NEU4: variants seen among roughly 807,000 people sequenced by gnomAD.
The protein encoded by NEU4 is sialidase-4.
In NEU4, 7 loss-of-function variants were observed where a neutral mutation model predicts 9.9. The ratio of observed to expected loss-of-function variants is 0.71; its 90% CI spans 0.40 to 1.33. The LOEUF (loss-of-function observed/expected upper bound fraction) is 1.33. NEU4 is among the 40% of genes most tolerant of loss of function. NEU4 has a pLI of 0.01. For missense variants in NEU4, 717 were observed against 712.6 expected (o/e 1.01, Z -0.07); for synonymous variants, 348 against 316.9 (o/e 1.10, Z -1.04).
In NEU4 at chr2:241,816,837, GC is replaced by G; in HGVS notation, c.1248del (p.Ser417AlafsTer147). 1 of 1,610,954 alleles carries G rather than the reference GC, an allele frequency of 6.2e-7. No individual in the cohort carries two copies. Among genetic ancestry groups the G allele is most frequent in the South Asian group, 1.1e-5 (1 of 90,758 alleles). The stretch of plus-strand genomic sequence containing the variant: ...ACAGAGCCCTGGGTGATCTACGAGG[GC>G]CCCAGCGGCTACTCCGACCTGGCGT... Reference protein sequence around the residue: ...SWTEPWVIYEGPSGYSDLASI... With the variant: ...SWTEPWVIYEXPSGYSDLASI... On this transcript the variant is annotated frameshift_variant, in exon 4 of 4. Coordinates refer to ENST00000407683, the MANE Select transcript of NEU4 (RefSeq NM_001167600.3). LOFTEE classifies it low-confidence loss of function (END_TRUNC).
Position 241,815,032 on chromosome 2 carries a change from G to C in NEU4, c.342G>C (p.Gln114His). 1 of 1,600,096 alleles carries C rather than the reference G, an allele frequency of 6.2e-7. No individual in the cohort carries two copies. The highest frequency in any genetic ancestry group is 1.7e-4 in the Middle Eastern group (1 of 6,052). ...TGGGCCACACGCCTGAGGCCGTGCA[G>C]ATCGCCACGGGAAGGAACGCCGCGC... ...AVLGHTPEAV[Q>H]IATGRNAARL... Residue 114 changes from glutamine to histidine, a missense_variant, in exon 3 of 4, where the codon CAG becomes CAC. Transcript: ENST00000407683.
At chr2:241,811,602 C>G (rs1404668967) in intron 1 of NEU4, 2 of 641,576 alleles carry the variant, frequency 3.1e-6, no homozygotes, top group Non-Finnish European at 4.6e-6. Context: ...CCTTGCCAAC[C>G]CCAGGGTGGC....
In NEU4 at chr2:241,816,962, C is replaced by G. The variant is rs1411376176; in HGVS notation, c.1369C>G (p.Leu457Val). ...YDEISFCTFSLREVLENVPAS... is the reference protein window; with the variant it reads ...YDEISFCTFSVREVLENVPAS... The stretch of plus-strand genomic sequence containing the variant: ...TGAGATTTCCTTTTGTACATTCTCC[C>G]TGCGTGAGGTCCTGGAGAACGTGCC... The change falls in exon 4 of 4, where the codon CTG becomes GTG. Residue 457 changes from leucine (L) to valine (V), a missense_variant. Physicochemically the swap from Leu to Val is conservative, Grantham distance 32. Transcript: ENST00000407683. The G allele has an allele frequency of 1.9e-6, 3 of 1,612,502 alleles. No homozygotes were observed. The highest frequency in any genetic ancestry group is 1.7e-5 in the Admixed American group (1 of 59,948).
rs2293759 is a variant in NEU4, at chr2:241,817,149, G to A, written c.*101G>A. On this transcript the variant is annotated 3_prime_UTR_variant, in exon 4 of 4. Coordinates refer to ENST00000407683, the MANE Select transcript of NEU4 (RefSeq NM_001167600.3). Reference sequence around the variant, plus strand: ...AGCTGTGGGGGGGGCTCTTAGTGCAGGATCCTGTGGATTAGAAACAAGTTG... The same window carrying A: ...AGCTGTGGGGGGGGCTCTTAGTGCAAGATCCTGTGGATTAGAAACAAGTTG... 0.59 allele frequency: 744,442 copies of A among 1,259,492 alleles called. 228,391 individuals carry two copies. The highest frequency in any genetic ancestry group is 0.64 in the Non-Finnish European group (598,754 of 937,712). 78.0% of individuals were successfully genotyped at this position (1,259,492 alleles called of 1,614,324 possible). A position where few individuals can be genotyped will look rare whatever the true frequency, so the allele number is the denominator to read the frequency against.
intron 1 of NEU4, among the ~76,000 whole-genome samples, chr2:241,809,529 A>G (rs1700046322): frequency 6.6e-6 from 1 of 152,092 alleles, no homozygotes; most frequent in African/African-American, 2.4e-5. Flanking sequence ...GCTCACGAAG[A>G]CGGTTAAGGA....
chr2:241,809,305 C>G (rs1318551821), intron 1 of NEU4, 31 bp downstream of exon 1: 2 of 1,237,244 alleles, frequency 1.6e-6, no homozygotes, highest in Admixed American at 2.3e-5. Flanking sequence ...AATTTGGGGT[C>G]TTTCTGGCGA....
chr2:241,813,766 C>T (rs1170276799), intron 1 of NEU4: 1 of 326,528 alleles, frequency 3.1e-6, no homozygotes, highest in East Asian at 1.2e-4. Context: ...AGCACCTGTC[C>T]CCTGCAGGAT....
rs778901985 is a variant in NEU4 at position 241,815,114 on chromosome 2, C to G, written c.424C>G (p.Leu142Val). ...CCTCTCGTGGGGCAGCGCCCGGGAC[C>G]TCACCGAGGAGGCCATCGGTGGTGC... ...AGLSWGSARD[L>V]TEEAIGGAVQ... Residue 142 changes from leucine (L) to valine (V), a missense_variant, in exon 3 of 4, where the codon CTC becomes GTC. By Grantham distance (32) the Leu-to-Val change is conservative. Transcript: ENST00000407683. 6.4e-7 allele frequency: 1 copy of G among 1,573,914 alleles called. No individual in the cohort carries two copies. Among genetic ancestry groups the G allele is most frequent in the South Asian group, 1.1e-5 (1 of 88,412 alleles).
At chr2:241,812,863 C>T (rs1052116820) in intron 1 of NEU4, among the ~76,000 whole-genome samples, 6 of 152,190 alleles carry the variant, frequency 3.9e-5, no homozygotes, top group African/African-American at 1.4e-4. Context: ...GACACCTGCT[C>T]CTGTGGTCCG....
chr2:241,815,148 G>T lies in NEU4; in HGVS notation c.457+1G>T, dbSNP rs1426418329. The T allele has an allele frequency of 3.2e-6, 5 of 1,545,140 alleles. No individual in the cohort carries two copies. The East Asian group carries it at 1.1e-4, about 35-fold the overall frequency. On this transcript the variant is annotated splice_donor_variant, in intron 3 of 3. Coordinates refer to ENST00000407683, the MANE Select transcript of NEU4 (RefSeq NM_001167600.3). LOFTEE classifies it high-confidence loss of function. Reference sequence around the variant, plus strand: ...GAGGCCATCGGTGGTGCCGTGCAGGGTAGGCGGGCAGGGTGCCGGTCTGGG... The same window carrying T: ...GAGGCCATCGGTGGTGCCGTGCAGGTTAGGCGGGCAGGGTGCCGGTCTGGG...
chr2:241,814,691 T>G lies in NEU4; in HGVS notation c.201+6T>G. ...TGGCCGGGGGCTCCGTGCGGGTGAG[T>G]GAGTGGCCGGGGGCTCTGTGTGGGT... On this transcript the variant is annotated splice_donor_region_variant and intron_variant, in intron 2 of 3. Transcript: ENST00000407683. The G allele has an allele frequency of 6.5e-7, 1 of 1,542,854 alleles. No homozygotes were observed. The highest frequency in any genetic ancestry group is 8.7e-7 in the Non-Finnish European group (1 of 1,147,044).
At chr2:241,812,530 T>TAACTGGGGCTGGCCTCCGAGACAGGG (rs1700161869) in intron 1 of NEU4, among the ~76,000 whole-genome samples, 2 of 66,814 alleles carry the variant, frequency 3.0e-5, no homozygotes, top group African/African-American at 4.0e-5. Context: ...CTGGTCACAC[T>TAACTGGGGCTGGCCTCCGAGACAGGG]GAGGACACGG....
At chr2:241,815,442 T>TCCCTCTCCCCA (rs1700293661) in intron 3 of NEU4, 138 of 529,172 alleles carry the variant, frequency 2.6e-4, no homozygotes, top group Non-Finnish European at 3.1e-4. Flanking sequence ...CCCAGGCAAA[T>TCCCTCTCCCCA]GGGTATTGAT....
intron 1 of NEU4, chr2:241,811,579 G>T: frequency 2.2e-6 from 2 of 908,984 alleles, no homozygotes; most frequent in Non-Finnish European, 1.5e-6. Context: ...GGGGGTGCTG[G>T]ACGAGTCCCA....
chr2:241,816,436 G>A lies in NEU4; in HGVS notation c.843G>A (p.Val281=), dbSNP rs1198776977. 1.9e-6 allele frequency: 3 copies of A among 1,607,810 alleles called. No individual in the cohort carries two copies. Among genetic ancestry groups the A allele is most frequent in the Non-Finnish European group, 2.5e-6 (3 of 1,178,664 alleles). ...CCTGGGGCTGCCAGGGCAGCATCGT[G>A]GGCTTCCCAGCCCCCGCCCCCAACA... is the stretch of plus-strand genomic sequence containing the variant. ...ETAWGCQGSI[V]GFPAPAPNRP... Residue 281 remains valine, a synonymous_variant, in exon 4 of 4, where the codon GTG becomes GTA. Transcript: ENST00000407683.
In NEU4 at chr2:241,816,650, G is replaced by A. The variant is rs1201247911; in HGVS notation, c.1057G>A (p.Val353Ile). Residue 353 changes from valine to isoleucine, a missense_variant, in exon 4 of 4, where the codon GTC becomes ATC. Physicochemically the swap from Val to Ile is conservative, Grantham distance 29. Transcript: ENST00000407683. ...CAGGCAGCCTGGCCCCAGGCCTGGG[G>A]TCAGTGGGGATGTGGGGTCCTGGAC... ...GPRQPGPRPG[V>I]SGDVGSWTLA... 6.5e-6 allele frequency: 10 copies of A among 1,541,260 alleles called. No individual in the cohort carries two copies. Among genetic ancestry groups the A allele is most frequent in the Non-Finnish European group, 8.7e-6 (10 of 1,147,994 alleles).
rs1700337701 is a variant in NEU4 at position 241,816,321 on chromosome 2, G to A, written c.728G>A (p.Ser243Asn). ...AGSFLYCNAR[S>N]PLGSRVQALS... ...AGCTTCCTCTACTGCAATGCCCGGA[G>A]CCCACTGGGCAGCCGTGTGCAGGCG... The change falls in exon 4 of 4, where the codon AGC (serine) becomes AAC (asparagine). Residue 243 changes from serine (S) to asparagine (N), a missense_variant. By Grantham distance (46) the Ser-to-Asn change is conservative (BLOSUM62 1). Transcript: ENST00000407683. 6.3e-7 allele frequency: 1 copy of A among 1,577,252 alleles called. No individual in the cohort carries two copies. The highest frequency in any genetic ancestry group is 1.2e-5 in the South Asian group (1 of 86,782).
chr2:241,811,475 C>T, intron 1 of NEU4: 3 of 1,559,892 alleles, frequency 1.9e-6, no homozygotes, highest in Non-Finnish European at 2.6e-6. Context: ...AGTCCCTGCC[C>T]TTTGCACCCC....
At position 241,816,116 on chromosome 2, in the gene NEU4, C is replaced by A. The variant is rs748176854; in HGVS notation, c.523C>A (p.Pro175Thr). 5.0e-6 allele frequency: 8 copies of A among 1,611,408 alleles called. No homozygotes were observed. The highest frequency in any genetic ancestry group is 6.8e-6 in the Non-Finnish European group (8 of 1,179,474). Residue 175 changes from proline to threonine, a missense_variant, in exon 4 of 4, where the codon CCC becomes ACC. Physicochemically the swap from Pro to Thr is conservative, Grantham distance 38. Transcript: ENST00000407683. Reference protein sequence around the residue: ...VQLPSGRLLVPAYTYRVDRRE... With the variant: ...VQLPSGRLLVTAYTYRVDRRE... ...GCTGCCCTCAGGCCGCCTGCTGGTA[C>A]CCGCCTACACCTACCGCGTGGACCG...
Sources: allele counts gnomAD v4.1 joint callset (sites outside exome capture counted in the v4.1 genomes callset), GRCh38; gene constraint gnomAD v4.1.1; transcripts MANE v1.5; gene names NCBI Gene and HGNC (gene_info 2026-07-23, HGNC 2026-07-21).